Variants in SLC33A1 observed in about 807,000 individuals in gnomAD.
SLC33A1 encodes solute carrier family 33 member 1, also known as acetyl-coenzyme A transporter 1.
In SLC33A1, 20 loss-of-function variants were observed where a neutral mutation model predicts 50.0. The observed-to-expected ratio is 0.40, with a 90% CI of 0.28 to 0.58. The LOEUF is 0.58. Ranked by LOEUF, SLC33A1 falls within the 20% of genes least tolerant of loss-of-function variation. SLC33A1 has a pLI of 0.44. For synonymous variants in SLC33A1, 265 were observed against 251.8 expected, an observed-to-expected ratio of 1.05 and a Z score of -0.50; for missense variants, 476 against 657.0, an observed-to-expected ratio of 0.72 and a Z score of 3.01.
chr3:155,841,816 C>T (rs906956699), intron 2 of SLC33A1, among the ~76,000 whole-genome samples: 6 of 151,964 alleles, frequency 3.9e-5, no homozygotes, highest in East Asian at 1.9e-4. Context: ...GGTGCTATCT[C>T]GGCTCACTGC....
In SLC33A1 at chr3:155,823,857, G is replaced by C. The variant is rs1752145463; in HGVS notation, c.*4353C>G. 6.6e-6 allele frequency: 1 copy of C among 151,894 alleles called. No individual in the cohort carries two copies. Among genetic ancestry groups the C allele is most frequent in the Non-Finnish European group, 1.5e-5 (1 of 68,072 alleles). 9.4% of individuals were successfully genotyped at this position (151,894 alleles called of 1,614,324 possible). On this transcript the variant is annotated 3_prime_UTR_variant, in exon 6 of 6. Coordinates refer to ENST00000643144, the MANE Select transcript of SLC33A1 (RefSeq NM_004733.4). ...CTCCCTAGTAGCTGGGATTACAGTC[G>C]TGTGCCACCCTATGCCTGGCTAATT...
chr3:155,838,588 G>A (rs979162111), intron 2 of SLC33A1, among the ~76,000 whole-genome samples: 2 of 151,486 alleles, frequency 1.3e-5, no homozygotes, highest in African/African-American at 4.9e-5. Flanking sequence ...GGCTGAGGCA[G>A]GAGAATTGCT....
intron 5 of SLC33A1, among the ~76,000 whole-genome samples, chr3:155,829,182 G>A (rs1316432081): frequency 6.6e-6 from 1 of 152,072 alleles, no homozygotes; most frequent in East Asian, 1.9e-4. Flanking sequence ...GAATACAGGC[G>A]TGAGCCACTG....
chr3:155,854,057 C>T lies in SLC33A1; in HGVS notation c.-60G>A. The T allele has an allele frequency of 7.1e-7, 1 of 1,413,062 alleles. No individual in the cohort carries two copies. Among genetic ancestry groups the T allele is most frequent in the East Asian group, 2.3e-5 (1 of 43,266 alleles). 87.5% of individuals were successfully genotyped at this position (1,413,062 alleles called of 1,614,324 possible). On this transcript the variant is annotated 5_prime_UTR_variant, in exon 1 of 6. Transcript: ENST00000643144. Reference sequence around the variant, plus strand: ...CCGAGGCTGAGCGTTTTGGATCCGTCCAGTCCCAGGTCCAAGGCTGTCGCG... The same window carrying T: ...CCGAGGCTGAGCGTTTTGGATCCGTTCAGTCCCAGGTCCAAGGCTGTCGCG...
At chr3:155,852,904 A>G (rs550527708) in intron 1 of SLC33A1, among the ~76,000 whole-genome samples, 24 of 152,332 alleles carry the variant, frequency 1.6e-4, no homozygotes, top group African/African-American at 5.5e-4. Context: ...AGACAAAAGG[A>G]AAAATGTGAA....
chr3:155,853,428 G>C lies in SLC33A1; in HGVS notation c.570C>G (p.Ala190=). Residue 190 remains alanine, a synonymous_variant, in exon 1 of 6, where the codon GCC becomes GCG. Coordinates refer to ENST00000643144, the MANE Select transcript of SLC33A1 (RefSeq NM_004733.4). ...TVAFFLFEFL[A]ATQDIAVDGW... ...CATCGACGGCAATGTCCTGAGTGGC[G>C]GCCAAGAATTCAAACAAAAAGAACG... 6.2e-7 allele frequency: 1 copy of C among 1,614,024 alleles called. No homozygotes were observed. The highest frequency in any genetic ancestry group is 8.5e-7 in the Non-Finnish European group (1 of 1,180,016).
intron 5 of SLC33A1, 81 bp downstream of exon 5, chr3:155,829,607 A>G (rs1357386001): frequency 9.9e-7 from 1 of 1,005,578 alleles, no homozygotes. Context: ...TTTAAAAAAG[A>G]TATAGTACTT....
intron 1 of SLC33A1, among the ~76,000 whole-genome samples, chr3:155,845,962 C>A (rs981417046): frequency 3.3e-5 from 5 of 152,098 alleles, no homozygotes; most frequent in African/African-American, 1.2e-4. Context: ...AATGTATGAT[C>A]AAGATATCAA....
At chr3:155,838,906 T>C (rs1328832968) in intron 2 of SLC33A1, among the ~76,000 whole-genome samples, 1 of 151,806 alleles carries the variant, frequency 6.6e-6, no homozygotes. Context: ...ACTAGCACTT[T>C]GGGAGGCTGA....
intron 4 of SLC33A1, among the ~76,000 whole-genome samples, chr3:155,832,643 T>C (rs1407412931): frequency 7.0e-6 from 1 of 142,006 alleles, no homozygotes; most frequent in Non-Finnish European, 1.5e-5. Context: ...GCCTGGCCAA[T>C]ATGGTGAAAC....
intron 2 of SLC33A1, among the ~76,000 whole-genome samples, chr3:155,840,893 G>A (rs962368767): frequency 3.3e-5 from 5 of 152,126 alleles, no homozygotes; most frequent in African/African-American, 9.7e-5. Flanking sequence ...ACTGAGGCAG[G>A]AGAATCGCTT....
chr3:155,828,157 C>T lies in SLC33A1; in HGVS notation c.*53G>A, dbSNP rs749109718. ...CTGTGCACTGATTATCATTGCTCTC[C>T]GAATTAAAACTAAACTACAATTACC... On this transcript the variant is annotated 3_prime_UTR_variant, in exon 6 of 6. Coordinates refer to ENST00000643144, the MANE Select transcript of SLC33A1 (RefSeq NM_004733.4). The T allele has an allele frequency of 6.5e-5, 85 of 1,309,308 alleles. No homozygotes were observed. The highest frequency in any genetic ancestry group is 8.6e-5 in the Non-Finnish European group (78 of 902,288). The allele number at this position is 1,309,308 out of a possible 1,614,324, so 81.1% of individuals were successfully genotyped here.
At chr3:155,837,074 A>T (rs1752708848) in intron 2 of SLC33A1, among the ~76,000 whole-genome samples, 1 of 152,140 alleles carries the variant, frequency 6.6e-6, no homozygotes. Flanking sequence ...TAAAAAGATG[A>T]TATACACCAG....
intron 2 of SLC33A1, among the ~76,000 whole-genome samples, chr3:155,841,558 C>A (rs1376912538): frequency 1.3e-5 from 2 of 152,040 alleles, no homozygotes; most frequent in South Asian, 2.1e-4. Flanking sequence ...AATATACTTA[C>A]CTTATTCTAG....
rs1218888085 is a variant in SLC33A1 at position 155,824,233 on chromosome 3, G to T, written c.*3977C>A. Reference sequence around the variant, plus strand: ...AAGGTAAAATACATTTTGGAAATCTGCATGGAATGTTCCCAACAAGTTATT... The same window carrying T: ...AAGGTAAAATACATTTTGGAAATCTTCATGGAATGTTCCCAACAAGTTATT... On this transcript the variant is annotated 3_prime_UTR_variant, in exon 6 of 6. Transcript: ENST00000643144. 6.6e-6 allele frequency: 1 copy of T among 152,132 alleles called. No individual in the cohort carries two copies. The highest frequency in any genetic ancestry group is 2.4e-5 in the African/African-American group (1 of 41,426). The allele number at this position is 152,132 out of a possible 1,614,324, so 9.4% of individuals were successfully genotyped here. A position where few individuals can be genotyped will look rare whatever the true frequency, so the allele number is the denominator to read the frequency against.
intron 2 of SLC33A1, among the ~76,000 whole-genome samples, chr3:155,836,488 C>T (rs1752686717): frequency 6.6e-6 from 1 of 151,804 alleles, no homozygotes; most frequent in Non-Finnish European, 1.5e-5. Flanking sequence ...AAAAATAAGA[C>T]ATACAAACTG....
intron 4 of SLC33A1, among the ~76,000 whole-genome samples, chr3:155,831,998 T>C (rs943946059): frequency 6.6e-6 from 1 of 152,242 alleles, no homozygotes; most frequent in Non-Finnish European, 1.5e-5. Context: ...CTCAGAAATA[T>C]GCATTAGCAA....
At chr3:155,831,062 T>G (rs1752407504) in intron 4 of SLC33A1, among the ~76,000 whole-genome samples, 1 of 152,190 alleles carries the variant, frequency 6.6e-6, no homozygotes, top group African/African-American at 2.4e-5. Context: ...TTGAAATATT[T>G]ACAACATACA....
At chr3:155,832,723 CAAAAAAAAAAAAA>C in intron 4 of SLC33A1, among the ~76,000 whole-genome samples, 1 of 28,134 alleles carries the variant, frequency 3.6e-5, no homozygotes, top group Non-Finnish European at 8.7e-5. Flanking sequence ...GACTCTGTCT[CAAAAAAAAAAAAA>C]AAAAAAAAAA....
Sources: allele counts gnomAD v4.1 joint callset (sites outside exome capture counted in the v4.1 genomes callset), GRCh38; gene constraint gnomAD v4.1.1; transcripts MANE v1.5; gene names NCBI Gene and HGNC (gene_info 2026-07-23, HGNC 2026-07-21).